The following CTNNA3 variants were observed in gnomAD, a reference collection of about 807,000 sequenced individuals.
CTNNA3 encodes catenin alpha-3.
Under a neutral mutation model 95.7 loss-of-function variants are expected in CTNNA3, and 76 were observed. The ratio of observed to expected loss-of-function variants is 0.79; its 90% CI spans 0.66 to 0.96. CTNNA3 has a LOEUF of 0.96. Among genes scored for constraint, CTNNA3 ranks in the 40% least tolerant of loss-of-function variants. The probability of loss-of-function intolerance (pLI) is 0.00; values close to 1 mark genes in which losing one functional copy is unlikely to be tolerated. For missense variants in CTNNA3, 1,191 were observed against 1,089.8 expected, an observed-to-expected ratio of 1.09 and a Z score of -1.31; for synonymous variants, 431 against 374.4, an observed-to-expected ratio of 1.15 and a Z score of -1.74.
At chr10:66,339,818 T>G (rs567559788) in intron 12 of CTNNA3, among the ~76,000 whole-genome samples, 4 of 151,982 alleles carry the variant, frequency 2.6e-5, no homozygotes, top group African/African-American at 9.6e-5. Context: ...CCTATGAGAT[T>G]AAGTCACCAT....
intron 5 of CTNNA3, among the ~76,000 whole-genome samples, chr10:67,346,503 T>C (rs1238728676): frequency 2.0e-5 from 3 of 152,208 alleles, no homozygotes; most frequent in Non-Finnish European, 2.9e-5. Context: ...CCAGATATAC[T>C]ATTCTAGAGT....
In CTNNA3 at chr10:66,927,025, G is replaced by A. The variant is rs377040735; in HGVS notation, c.1048-151501C>T. On this transcript the variant is annotated intron_variant, in intron 7 of 17. Transcript: ENST00000433211. This position sits in a 1 kb window ranked among gnomAD's most constrained non-coding sequence, Gnocchi z 4.7. ...TTCTGCCGAACGAGGATGCCCTAAGGGCTGTAGGTGTGAAGGCAAAATGGT... is the reference window on the plus strand; with the variant it reads ...TTCTGCCGAACGAGGATGCCCTAAGAGCTGTAGGTGTGAAGGCAAAATGGT... 6.2e-7 allele frequency: 1 copy of A among 1,614,070 alleles called. No homozygotes were observed. Among genetic ancestry groups the A allele is most frequent in the Non-Finnish European group, 8.5e-7 (1 of 1,180,024 alleles).
chr10:66,220,884 G>A (rs185546426), intron 13 of CTNNA3, among the ~76,000 whole-genome samples: 28 of 152,202 alleles, frequency 1.8e-4, no homozygotes, highest in African/African-American at 5.8e-4. Context: ...GGTACAGGAT[G>A]GGGGGTGAGG....
chr10:67,381,642 C>T (rs1843951818), intron 5 of CTNNA3, among the ~76,000 whole-genome samples: 1 of 152,162 alleles, frequency 6.6e-6, no homozygotes. Context: ...TACATTTTAA[C>T]TTCAAAGAAG....
intron 11 of CTNNA3, among the ~76,000 whole-genome samples, chr10:66,483,527 A>C (rs184107803): frequency 6.6e-6 from 1 of 152,300 alleles, no homozygotes. Flanking sequence ...ACAATCTCAA[A>C]AATAGGTTCC....
At chr10:66,225,550 A>G (rs1428008650) in intron 13 of CTNNA3, among the ~76,000 whole-genome samples, 1 of 151,322 alleles carries the variant, frequency 6.6e-6, no homozygotes, top group Non-Finnish European at 1.5e-5. Context: ...GGGGATACAT[A>G]TATCTTTCTG....
chr10:66,034,363 T>C (rs2079516711), intron 15 of CTNNA3, among the ~76,000 whole-genome samples: 1 of 152,156 alleles, frequency 6.6e-6, no homozygotes, highest in Admixed American at 6.5e-5. Context: ...CATCCATATC[T>C]GATTCATTCT....
rs148972058 is a variant in CTNNA3 at position 67,024,458 on chromosome 10, T to C, written c.1047+155859A>G. Among the ~76,000 whole-genome samples, 882 of 152,320 alleles carry C rather than the reference T, an allele frequency of 5.8e-3. 9 individuals are homozygous for C. The highest frequency in any genetic ancestry group is 0.02 in the African/African-American group (838 of 41,574). On this transcript the variant is annotated intron_variant, in intron 7 of 17. Coordinates refer to ENST00000433211, the MANE Select transcript of CTNNA3 (RefSeq NM_013266.4). ...GCAAAATCTCTTTTGCTGTGAAAGG[T>C]AACATAGTTGCAGGTTCTGGTGATT...
At chr10:67,400,111 C>T (rs967426295) in intron 5 of CTNNA3, among the ~76,000 whole-genome samples, 5 of 150,452 alleles carry the variant, frequency 3.3e-5, no homozygotes, top group African/African-American at 7.4e-5. Context: ...TGATGTTCCC[C>T]TTCCTATGTC....
In CTNNA3 at chr10:66,520,782, A is replaced by T. The variant is rs1246196640; in HGVS notation, c.1375-9T>A. 1 of 1,609,586 alleles carries T rather than the reference A, an allele frequency of 6.2e-7. No individual in the cohort carries two copies. The highest frequency in any genetic ancestry group is 8.5e-7 in the Non-Finnish European group (1 of 1,177,998). On this transcript the variant is annotated splice_polypyrimidine_tract_variant and intron_variant, in intron 10 of 17. Transcript: ENST00000433211. ...AGTGCAGCATTAATAATCTATAAAGATAAGGATTGAAAAAATTACCTATTG... is the reference window on the plus strand; with the variant it reads ...AGTGCAGCATTAATAATCTATAAAGTTAAGGATTGAAAAAATTACCTATTG...
Position 67,180,443 on chromosome 10 carries a change from A to T in CTNNA3, c.921T>A (p.Ile307=). 2 of 1,613,904 alleles carry T rather than the reference A, an allele frequency of 1.2e-6. 1 individual carries two copies. Among genetic ancestry groups the T allele is most frequent in the South Asian group, 2.2e-5 (2 of 91,076 alleles). The change falls in exon 7 of 18, where the codon ATT becomes ATA. Residue 307 remains isoleucine (I), a synonymous_variant. Coordinates refer to ENST00000433211, the MANE Select transcript of CTNNA3 (RefSeq NM_013266.4). ...RPSLEKRLEA[I]ISGAALLADS... ...CCGCCAGCAGAGCAGCCCCACTGATAATGGCTTCAAGGCGTTTCTCTAGTG... is the reference window on the plus strand; with the variant it reads ...CCGCCAGCAGAGCAGCCCCACTGATTATGGCTTCAAGGCGTTTCTCTAGTG...
At chr10:65,948,394 A>G (rs964818898) in intron 17 of CTNNA3, among the ~76,000 whole-genome samples, 1 of 152,166 alleles carries the variant, frequency 6.6e-6, no homozygotes, top group Non-Finnish European at 1.5e-5. Context: ...TATACATAGA[A>G]AGAGTATAGA....
chr10:66,854,868 T>C (rs763758707), intron 7 of CTNNA3, among the ~76,000 whole-genome samples: 5 of 151,736 alleles, frequency 3.3e-5, no homozygotes, highest in African/African-American at 9.7e-5. Flanking sequence ...CAGACAGATA[T>C]AAGTTAGAAT....
intron 7 of CTNNA3, among the ~76,000 whole-genome samples, chr10:66,781,847 T>C (rs1393695070): frequency 6.6e-6 from 1 of 152,104 alleles, no homozygotes; most frequent in Non-Finnish European, 1.5e-5. Context: ...TCACAATAAC[T>C]CTACACACAT....
chr10:67,184,878 C>A (rs1862758341), intron 6 of CTNNA3, among the ~76,000 whole-genome samples: 1 of 152,146 alleles, frequency 6.6e-6, no homozygotes, highest in African/African-American at 2.4e-5. Flanking sequence ...TTATCTTTCT[C>A]AGTGCCTCAA....
At chr10:66,000,488 T>C (rs2078749621) in intron 15 of CTNNA3, among the ~76,000 whole-genome samples, 1 of 152,234 alleles carries the variant, frequency 6.6e-6, no homozygotes, top group African/African-American at 2.4e-5. Context: ...TCTGCTATTG[T>C]GTGAAAACAA....
chr10:66,789,049 G>A (rs1053403111), intron 7 of CTNNA3, among the ~76,000 whole-genome samples: 2 of 152,128 alleles, frequency 1.3e-5, no homozygotes, highest in South Asian at 4.1e-4. Context: ...AAGATCTTTT[G>A]TTATAATAAC....
chr10:66,497,322 G>A (rs1338023166), intron 11 of CTNNA3, among the ~76,000 whole-genome samples: 1 of 151,636 alleles, frequency 6.6e-6, no homozygotes, highest in Non-Finnish European at 1.5e-5. Context: ...AGTAGTTGCA[G>A]TTTTTGTCAT....
At chr10:67,558,006 G>A (rs1475159388) in intron 3 of CTNNA3, among the ~76,000 whole-genome samples, 2 of 152,102 alleles carry the variant, frequency 1.3e-5, no homozygotes, top group Non-Finnish European at 2.9e-5. Flanking sequence ...AGTTTCACAG[G>A]TATGCATCTT....
Sources: allele counts gnomAD v4.1 joint callset (sites outside exome capture counted in the v4.1 genomes callset), GRCh38; gene constraint gnomAD v4.1.1; non-coding constraint Gnocchi (gnomAD v3.1); transcripts MANE v1.5; gene names NCBI Gene and HGNC (gene_info 2026-07-23, HGNC 2026-07-21).